The following SLC41A2 variants were observed in gnomAD, a reference collection of about 807,000 sequenced individuals.
SLC41A2 encodes SLC41A1-like 1.
In SLC41A2, 32 loss-of-function variants were observed where a neutral mutation model predicts 58.3. That is an observed-to-expected ratio of 0.55 (90% CI 0.41 to 0.74). The LOEUF (loss-of-function observed/expected upper bound fraction) is 0.74, where lower values mean the gene tolerates loss of function less well. Among genes scored for constraint, SLC41A2 ranks in the 30% least tolerant of loss-of-function variants. The pLI is 0.00. For synonymous variants in SLC41A2, 190 were observed against 235.0 expected, an observed-to-expected ratio of 0.81 and a Z score of 1.75; for missense variants, 514 against 680.6, an observed-to-expected ratio of 0.76 and a Z score of 2.72.
At chr12:104,893,010 T>C (rs2045090502) in intron 4 of SLC41A2, among the ~76,000 whole-genome samples, 1 of 152,126 alleles carries the variant, frequency 6.6e-6, no homozygotes, top group Non-Finnish European at 1.5e-5. Context: ...TGGGATAATA[T>C]CAAGTTTAAA....
intron 3 of SLC41A2, among the ~76,000 whole-genome samples, chr12:104,907,254 A>C (rs2045896165): frequency 6.8e-6 from 1 of 147,080 alleles, no homozygotes; most frequent in Admixed American, 6.9e-5. Flanking sequence ...TTCTGGCACC[A>C]CAAGATATTC....
At chr12:104,905,296 C>T (rs534139378) in intron 3 of SLC41A2, among the ~76,000 whole-genome samples, 6 of 151,618 alleles carry the variant, frequency 4.0e-5, no homozygotes, top group African/African-American at 1.5e-4. Context: ...AGGTTCTCCA[C>T]GTCCTCACCA....
chr12:104,913,448 C>T (rs890826830), intron 2 of SLC41A2, among the ~76,000 whole-genome samples: 2 of 152,164 alleles, frequency 1.3e-5, no homozygotes, highest in African/African-American at 4.8e-5. Context: ...AACAACTGAC[C>T]AGGATTCCTT....
intron 6 of SLC41A2, among the ~76,000 whole-genome samples, chr12:104,872,267 A>G (rs1316914691): frequency 1.3e-5 from 2 of 152,216 alleles, no homozygotes; most frequent in Non-Finnish European, 2.9e-5. Context: ...TTGTCCATTA[A>G]GCAATAAAGA....
At chr12:104,865,382 G>A (rs1267006612) in intron 7 of SLC41A2, among the ~76,000 whole-genome samples, 1 of 152,154 alleles carries the variant, frequency 6.6e-6, no homozygotes, top group African/African-American at 2.4e-5. Context: ...TAGGGTGTGA[G>A]GGGGCAGTCA....
intron 8 of SLC41A2, among the ~76,000 whole-genome samples, chr12:104,857,781 C>T (rs1250163546): frequency 7.0e-6 from 1 of 143,268 alleles, no homozygotes. Flanking sequence ...CGCATGTTCT[C>T]ACTCATAGGA....
At chr12:104,943,671 G>A (rs368219529) in intron 1 of SLC41A2, among the ~76,000 whole-genome samples, 8 of 152,086 alleles carry the variant, frequency 5.3e-5, no homozygotes, top group East Asian at 1.9e-4. Flanking sequence ...AGCGGTCATC[G>A]GCCAACCTCT....
chr12:104,886,943 T>G (rs1267775792), intron 5 of SLC41A2, among the ~76,000 whole-genome samples: 1 of 152,022 alleles, frequency 6.6e-6, no homozygotes, highest in African/African-American at 2.4e-5. Flanking sequence ...CAGCAGGACA[T>G]AATTAAATTT....
At chr12:104,896,621 A>C (rs559040605) in intron 3 of SLC41A2, among the ~76,000 whole-genome samples, 1 of 152,362 alleles carries the variant, frequency 6.6e-6, no homozygotes, top group South Asian at 2.1e-4. Context: ...TCAATGAAAA[A>C]GTATAAGACA....
At chr12:104,935,984 AG>A (rs2047251131) in intron 1 of SLC41A2, among the ~76,000 whole-genome samples, 1 of 152,024 alleles carries the variant, frequency 6.6e-6, no homozygotes, top group Non-Finnish European at 1.5e-5. Context: ...CAGAGGTTGC[AG>A]TGAGCCAAGG....
At chr12:104,890,465 C>G (rs879431876) in intron 4 of SLC41A2, among the ~76,000 whole-genome samples, 2 of 152,176 alleles carry the variant, frequency 1.3e-5, no homozygotes, top group Non-Finnish European at 2.9e-5. Context: ...CAAGTCCTGT[C>G]TGGCTTGACA....
At chr12:104,839,318 T>C (rs778954394) in intron 10 of SLC41A2, among the ~76,000 whole-genome samples, 1 of 152,112 alleles carries the variant, frequency 6.6e-6, no homozygotes, top group Admixed American at 6.5e-5. Flanking sequence ...ATACTCCATA[T>C]ATACATAATC....
chr12:104,811,574 C>T (rs1340122740), intron 10 of SLC41A2, among the ~76,000 whole-genome samples: 1 of 152,118 alleles, frequency 6.6e-6, no homozygotes, highest in Admixed American at 6.6e-5. Flanking sequence ...CAGGAGTTAC[C>T]AACCATATAT....
chr12:104,925,607 T>G (rs2046805837), intron 2 of SLC41A2, among the ~76,000 whole-genome samples: 1 of 152,064 alleles, frequency 6.6e-6, no homozygotes, highest in Non-Finnish European at 1.5e-5. Context: ...TGTTTAACAC[T>G]AAAGTTTAAC....
chr12:104,943,786 C>T (rs1296031592), intron 1 of SLC41A2, among the ~76,000 whole-genome samples: 1 of 152,106 alleles, frequency 6.6e-6, no homozygotes, highest in East Asian at 1.9e-4. Context: ...GGAAGGTGAC[C>T]GCATCCACCT....
intron 4 of SLC41A2, among the ~76,000 whole-genome samples, chr12:104,892,237 G>A (rs915399210): frequency 2.7e-5 from 4 of 150,854 alleles, no homozygotes; most frequent in African/African-American, 4.9e-5. Context: ...GTAGTGAGCC[G>A]AGATCACGCC....
At chr12:104,883,109 A>G (rs1028973525) in intron 6 of SLC41A2, among the ~76,000 whole-genome samples, 8 of 152,102 alleles carry the variant, frequency 5.3e-5, no homozygotes, top group African/African-American at 1.9e-4. Context: ...ACTTGATCAA[A>G]TCGGCTACTG....
chr12:104,831,095 G>A (rs75158201), intron 10 of SLC41A2, among the ~76,000 whole-genome samples: 2 of 151,962 alleles, frequency 1.3e-5, no homozygotes, highest in Non-Finnish European at 2.9e-5. Flanking sequence ...TTAAGAGATG[G>A]GGTATCACTA....
At chr12:104,937,453 T>C (rs1056384028) in intron 1 of SLC41A2, among the ~76,000 whole-genome samples, 6 of 152,252 alleles carry the variant, frequency 3.9e-5, no homozygotes, top group African/African-American at 1.4e-4. Flanking sequence ...AGTAGAGTAA[T>C]GTGCTATACA....
Sources: gnomAD v4.1 joint callset for allele counts (sites outside exome capture counted in the v4.1 genomes callset) on GRCh38, gnomAD v4.1.1 for gene constraint, MANE v1.5 for transcripts, NCBI Gene and HGNC (gene_info 2026-07-23, HGNC 2026-07-21) for gene names.